DYSF: variants seen among roughly 807,000 people sequenced by gnomAD.
DYSF encodes dystrophy-associated fer-1-like 1.
A neutral mutation model predicts 274.9 loss-of-function variants in DYSF; 212 were observed. The observed-to-expected ratio is 0.77, with a 90% CI of 0.69 to 0.86. DYSF has a LOEUF of 0.86. Among genes scored for constraint, DYSF ranks in the 40% least tolerant of loss-of-function variants. The pLI is 0.00. For missense variants in DYSF, 2,666 were observed against 2,783.2 expected (o/e 0.96, Z 0.95); for synonymous variants, 1,091 against 1,078.7 (o/e 1.01, Z -0.22).
At chr2:71,575,843 G>A (rs1257829210) in intron 30 of DYSF, among the ~76,000 whole-genome samples, 1 of 151,976 alleles carries the variant, frequency 6.6e-6, no homozygotes, top group Admixed American at 6.6e-5. Flanking sequence ...AGGCCTGGCA[G>A]GAAACAGGTT....
chr2:71,588,273 A>G (rs2093140309), intron 30 of DYSF, among the ~76,000 whole-genome samples: 1 of 152,168 alleles, frequency 6.6e-6, no homozygotes. Context: ...CGAAGGATTC[A>G]GGCCGAGGAG....
intron 17 of DYSF, among the ~76,000 whole-genome samples, chr2:71,542,377 CTTTTT>C (rs35710396): frequency 2.1e-5 from 3 of 142,134 alleles, no homozygotes; most frequent in African/African-American, 7.7e-5. Flanking sequence ...GTCAAGCCTT[CTTTTT>C]TTTTTTTTTT....
chr2:71,561,398 C>G (rs1288547756), intron 22 of DYSF, among the ~76,000 whole-genome samples: 1 of 152,110 alleles, frequency 6.6e-6, no homozygotes, highest in Non-Finnish European at 1.5e-5. Flanking sequence ...GGAGCAGGAC[C>G]CCCTGGGCCC....
At chr2:71,584,254 C>G (rs571354246) in intron 30 of DYSF, among the ~76,000 whole-genome samples, 1 of 152,096 alleles carries the variant, frequency 6.6e-6, no homozygotes, top group Non-Finnish European at 1.5e-5. Context: ...TGGCTCTGCA[C>G]GGGGCTCAGA....
intron 52 of DYSF, among the ~76,000 whole-genome samples, chr2:71,675,125 G>A (rs1220022341): frequency 6.6e-6 from 1 of 152,046 alleles, no homozygotes; most frequent in Non-Finnish European, 1.5e-5. Flanking sequence ...ACGGAAAATA[G>A]GTTAGTGGTT....
chr2:71,471,880 C>T (rs1358168599), intron 1 of DYSF, among the ~76,000 whole-genome samples: 2 of 152,126 alleles, frequency 1.3e-5, no homozygotes, highest in East Asian at 3.9e-4. Context: ...GCACAAGAAT[C>T]GCTTGAACCC....
chr2:71,602,939 T>G, intron 36 of DYSF, 134 bp downstream of exon 36: 1 of 1,081,786 alleles, frequency 9.2e-7, no homozygotes, highest in East Asian at 2.5e-5. Flanking sequence ...CCTGTCTGGA[T>G]TTTATTCCCC....
chr2:71,616,626 G>A (rs1185401230), intron 40 of DYSF, among the ~76,000 whole-genome samples: 1 of 152,196 alleles, frequency 6.6e-6, no homozygotes, highest in African/African-American at 2.4e-5. Flanking sequence ...TCCTCACACA[G>A]GGAGAGCAGA....
intron 17 of DYSF, among the ~76,000 whole-genome samples, chr2:71,544,130 G>T (rs1462170101): frequency 6.6e-6 from 1 of 152,158 alleles, no homozygotes; most frequent in Non-Finnish European, 1.5e-5. Context: ...ATCATTTTCT[G>T]TAATATGCAG....
At chr2:71,598,472 T>A (rs2093459849) in intron 32 of DYSF, 92 bp from the exon 33 acceptor site, 1 of 1,475,960 alleles carries the variant, frequency 6.8e-7, no homozygotes, top group East Asian at 2.4e-5. Context: ...ACAACCCTGC[T>A]CCAGCTTTGT....
rs781732915 is a variant in DYSF, at chr2:71,513,720, A to G, written c.558A>G (p.Thr186=). Residue 186 remains threonine, a synonymous_variant, in exon 7 of 56, where the codon ACA becomes ACG. Coordinates refer to ENST00000410020, the MANE Select transcript of DYSF (RefSeq NM_001130987.2). Reference sequence around the variant, plus strand: ...ATTAGGGCCCTCTCCTCTTAGACACAGGAGGAGAGGAAGACACAGAGGACC... The same window carrying G: ...ATTAGGGCCCTCTCCTCTTAGACACGGGAGGAGAGGAAGACACAGAGGACC... ...SGKKWPAPTD[T]GGEEDTEDQG... The G allele has an allele frequency of 5.6e-6, 9 of 1,613,788 alleles. No individual in the cohort carries two copies. In the African/African-American group the frequency reaches 8.0e-5, roughly 14 times the overall value.
chr2:71,578,910 C>T (rs1314835616), intron 30 of DYSF, among the ~76,000 whole-genome samples: 2 of 152,238 alleles, frequency 1.3e-5, no homozygotes, highest in African/African-American at 4.8e-5. Context: ...CTGGCTCCGT[C>T]TGCTAATCGT....
rs745944313 is a variant in DYSF at position 71,664,391 on chromosome 2, G to A, written c.5127G>A (p.Leu1709=). 6.2e-7 allele frequency: 1 copy of A among 1,614,210 alleles called. No homozygotes were observed. Among genetic ancestry groups the A allele is most frequent in the East Asian group, 2.2e-5 (1 of 44,870 alleles). The change falls in exon 46 of 56, where the codon CTG becomes CTA. Residue 1709 remains leucine, a synonymous_variant. Transcript: ENST00000410020. ...CGGTCGTCGACCTGGAGAACAGGCTGCTGTCCAAGTTTGGGGCTCGCTGTG... is the reference window on the plus strand; with the variant it reads ...CGGTCGTCGACCTGGAGAACAGGCTACTGTCCAAGTTTGGGGCTCGCTGTG... ...GETVVDLENR[L]LSKFGARCGL...
Position 71,568,853 on chromosome 2 carries a change from G to A in DYSF, c.2864+515G>A, listed in dbSNP as rs895116905. On this transcript the variant is annotated intron_variant, in intron 26 of 55. Coordinates refer to ENST00000410020, the MANE Select transcript of DYSF (RefSeq NM_001130987.2). ...TGGGGTTACAGGCTTGAGTCACCAC[G>A]CCTGGCCAGGCCTTTATTCTCTCTC... Among the ~76,000 whole-genome samples, 57 of 151,568 alleles carry A rather than the reference G, an allele frequency of 3.8e-4. 1 individual carries two copies. Among genetic ancestry groups the A allele is most frequent in the Non-Finnish European group, 4.4e-5 (3 of 67,900 alleles).
intron 41 of DYSF, among the ~76,000 whole-genome samples, chr2:71,632,813 A>G (rs2094336726): frequency 1.3e-5 from 2 of 152,122 alleles, no homozygotes; most frequent in South Asian, 4.1e-4. Context: ...GAATTGAGAA[A>G]GCACCAGCAA....
chr2:71,542,945 C>T (rs1003035319), intron 17 of DYSF, among the ~76,000 whole-genome samples: 19 of 147,854 alleles, frequency 1.3e-4, no homozygotes, highest in East Asian at 2.1e-4. Flanking sequence ...CCAGAAGGGG[C>T]GGCCGGGCAG....
chr2:71,575,525 G>A (rs1301697624), intron 30 of DYSF, among the ~76,000 whole-genome samples: 17 of 152,276 alleles, frequency 1.1e-4, no homozygotes. Context: ...TGCTGCCCAG[G>A]TCAGAGCAGC....
At chr2:71,624,743 T>G (rs2152901024) in intron 41 of DYSF, among the ~76,000 whole-genome samples, 1 of 152,340 alleles carries the variant, frequency 6.6e-6, no homozygotes, top group Admixed American at 6.5e-5. Context: ...CCATCATTTT[T>G]TCTCTAAAAT....
intron 24 of DYSF, among the ~76,000 whole-genome samples, chr2:71,567,694 C>T (rs1034291110): frequency 3.3e-5 from 5 of 151,878 alleles, no homozygotes; most frequent in Non-Finnish European, 7.4e-5. Flanking sequence ...CTCTGCAGAG[C>T]GCTCCTAGGA....
Sources: allele counts gnomAD v4.1 joint callset (sites outside exome capture counted in the v4.1 genomes callset), GRCh38; gene constraint gnomAD v4.1.1; transcripts MANE v1.5; gene names NCBI Gene and HGNC (gene_info 2026-07-23, HGNC 2026-07-21).